AUTS2: variants seen among roughly 807,000 people sequenced by gnomAD.
The protein encoded by AUTS2 is activator of transcription and developmental regulator AUTS2.
In AUTS2, 17 loss-of-function variants were observed where a neutral mutation model predicts 112.4. That is an observed-to-expected ratio of 0.15 (90% CI 0.10 to 0.23). The LOEUF (loss-of-function observed/expected upper bound fraction) is 0.23. Among genes scored for constraint, AUTS2 ranks in the 10% least tolerant of loss-of-function variants. AUTS2 has a pLI of 1.00. For missense variants in AUTS2, 1,510 were observed against 1,701.6 expected (o/e 0.89, Z 1.98); for synonymous variants, 751 against 702.7 (o/e 1.07, Z -1.09).
chr7:69,749,703 G>A (rs2129265420), intron 1 of AUTS2, among the ~76,000 whole-genome samples: 1 of 152,282 alleles, frequency 6.6e-6, no homozygotes, highest in African/African-American at 2.4e-5. Context: ...TAAGTTATTT[G>A]TTTTATACAA....
intron 1 of AUTS2, among the ~76,000 whole-genome samples, chr7:69,746,846 G>GT (rs1009681781): frequency 3.9e-5 from 6 of 152,106 alleles, no homozygotes; most frequent in Non-Finnish European, 7.3e-5. Flanking sequence ...AATGGAGTTT[G>GT]TGGGGGGAAA....
intron 10 of AUTS2, among the ~76,000 whole-genome samples, chr7:70,768,286 T>C (rs1790065414): frequency 6.6e-6 from 1 of 152,216 alleles, no homozygotes; most frequent in Admixed American, 6.5e-5. Flanking sequence ...TTCCAAAGGC[T>C]TGAAAGCAGA....
At chr7:69,730,065 T>A (rs2129229047) in intron 1 of AUTS2, among the ~76,000 whole-genome samples, 1 of 140,648 alleles carries the variant, frequency 7.1e-6, no homozygotes, top group Middle Eastern at 3.6e-3. Flanking sequence ...GGTCTCGAAC[T>A]CCTAGGCTCA....
chr7:69,826,713 AT>A (rs1562910117), intron 1 of AUTS2, among the ~76,000 whole-genome samples: 1 of 152,110 alleles, frequency 6.6e-6, no homozygotes, highest in African/African-American at 2.4e-5. Context: ...GTAAGTGTGA[AT>A]ATTTGTGTGT....
At chr7:69,832,212 C>T (rs1791533534) in intron 1 of AUTS2, among the ~76,000 whole-genome samples, 1 of 152,146 alleles carries the variant, frequency 6.6e-6, no homozygotes, top group Middle Eastern at 3.2e-3. Flanking sequence ...CGTTTTAAAC[C>T]TTTTGTTTCT....
intron 6 of AUTS2, among the ~76,000 whole-genome samples, chr7:70,735,046 G>T (rs1167770277): frequency 6.6e-6 from 1 of 152,056 alleles, no homozygotes; most frequent in Non-Finnish European, 1.5e-5. Context: ...TAGTAGGACA[G>T]CGTTCTCATT....
Position 70,750,775 on chromosome 7 carries a change from T to C in AUTS2, c.743-12095T>C, listed in dbSNP as rs1051485944. ...TTTTCTAAATGGGTCTCAGTGATTG[T>C]CCAATGTGTGCCCCAAATCAGATGA... On this transcript the variant is annotated intron_variant, in intron 6 of 18. Transcript: ENST00000342771. Among the ~76,000 whole-genome samples the C allele has an allele frequency of 1.3e-4, 20 of 152,224 alleles. 1 individual carries two copies. Among genetic ancestry groups the C allele is most frequent in the African/African-American group, 4.1e-4 (17 of 41,458 alleles).
intron 2 of AUTS2, among the ~76,000 whole-genome samples, chr7:70,106,407 A>C (rs1804769387): frequency 6.6e-6 from 1 of 152,208 alleles, no homozygotes; most frequent in Non-Finnish European, 1.5e-5. Context: ...ACGTCATATG[A>C]ATGATTCATT....
intron 1 of AUTS2, among the ~76,000 whole-genome samples, chr7:69,822,905 A>AT (rs1791062794): frequency 6.6e-6 from 1 of 152,170 alleles, no homozygotes; most frequent in Non-Finnish European, 1.5e-5. Context: ...TGAAGGTCCT[A>AT]TTTATTACTT....
chr7:69,862,283 A>G (rs1462989247), intron 1 of AUTS2, among the ~76,000 whole-genome samples: 1 of 152,228 alleles, frequency 6.6e-6, no homozygotes, highest in Non-Finnish European at 1.5e-5. Flanking sequence ...AATTTTACTT[A>G]TTTTAAATGA....
At chr7:70,524,018 A>G (rs1799743535) in intron 5 of AUTS2, among the ~76,000 whole-genome samples, 1 of 152,244 alleles carries the variant, frequency 6.6e-6, no homozygotes, top group South Asian at 2.1e-4. Context: ...TAAACAAATT[A>G]ACCTGTTCAG....
chr7:69,653,209 C>T (rs1795371822), intron 1 of AUTS2, among the ~76,000 whole-genome samples: 1 of 152,188 alleles, frequency 6.6e-6, no homozygotes, highest in Non-Finnish European at 1.5e-5. Flanking sequence ...CTGCCTGTTA[C>T]TCTTCTCAGG....
At chr7:70,467,336 G>C (rs566995359) in intron 5 of AUTS2, among the ~76,000 whole-genome samples, 1 of 152,266 alleles carries the variant, frequency 6.6e-6, no homozygotes, top group African/African-American at 2.4e-5. Context: ...CCCTCCACAA[G>C]GGTTTAAGCT....
At position 69,846,224 on chromosome 7, in the gene AUTS2, T is replaced by C. The variant is rs533374363; in HGVS notation, c.310-53062T>C. Reference sequence around the variant, plus strand: ...TGAGAGTGTACAGAAAAAAACGTAGTTGACCACTCTATGATTATTCTGGAC... The same window carrying C: ...TGAGAGTGTACAGAAAAAAACGTAGCTGACCACTCTATGATTATTCTGGAC... On this transcript the variant is annotated intron_variant, in intron 1 of 18. Transcript: ENST00000342771. Among the ~76,000 whole-genome samples, 65 of 152,330 alleles carry C rather than the reference T, an allele frequency of 4.3e-4. 1 individual carries two copies. The highest frequency in any genetic ancestry group is 1.4e-3 in the African/African-American group (57 of 41,580).
chr7:69,777,561 A>G (rs982971406), intron 1 of AUTS2, among the ~76,000 whole-genome samples: 2 of 152,014 alleles, frequency 1.3e-5, no homozygotes, highest in Non-Finnish European at 1.5e-5. Flanking sequence ...CTACTGTTTT[A>G]CTCTAAGGCC....
At chr7:70,184,810 A>G (rs1261507150) in intron 4 of AUTS2, among the ~76,000 whole-genome samples, 2 of 152,106 alleles carry the variant, frequency 1.3e-5, no homozygotes, top group African/African-American at 4.8e-5. Context: ...ATGCCCTGGG[A>G]AGGTTCTTTA....
In AUTS2 at chr7:70,432,224, C is replaced by T. The variant is rs551617401; in HGVS notation, c.661-3528C>T. On this transcript the variant is annotated intron_variant, in intron 4 of 18. Transcript: ENST00000342771. ...CTTAAAATGGTCAAATCCGCTGGGA[C>T]GCCGTCTCTGCATCTGACATGCCTT... Among the ~76,000 whole-genome samples, 16 of 152,310 alleles carry T rather than the reference C, an allele frequency of 1.1e-4. No homozygotes were observed. In the East Asian group the frequency reaches 1.9e-3, roughly 18 times the overall value.
At chr7:69,942,030 A>G (rs1217366438) in intron 2 of AUTS2, among the ~76,000 whole-genome samples, 1 of 152,198 alleles carries the variant, frequency 6.6e-6, no homozygotes, top group Non-Finnish European at 1.5e-5. Flanking sequence ...TGAATAACTG[A>G]TGGTGGACAT....
At chr7:70,218,810 C>T (rs969323693) in intron 4 of AUTS2, among the ~76,000 whole-genome samples, 1 of 152,096 alleles carries the variant, frequency 6.6e-6, no homozygotes, top group Non-Finnish European at 1.5e-5. Flanking sequence ...GCCACCTGAC[C>T]ATCAGCCAGA....
Sources: gnomAD v4.1 joint callset for allele counts (sites outside exome capture counted in the v4.1 genomes callset) on GRCh38, gnomAD v4.1.1 for gene constraint, MANE v1.5 for transcripts, NCBI Gene and HGNC (gene_info 2026-07-23, HGNC 2026-07-21) for gene names.